The following UNC13C variants were observed in gnomAD, a reference collection of about 807,000 sequenced individuals.
UNC13C encodes protein unc-13 homolog C.
A neutral mutation model predicts 245.4 loss-of-function variants in UNC13C; 174 were observed. The observed-to-expected ratio is 0.71, with a 90% CI of 0.63 to 0.80. UNC13C has a LOEUF of 0.80. Among genes scored for constraint, UNC13C ranks in the 30% least tolerant of loss-of-function variants. The probability of loss-of-function intolerance (pLI) is 0.00; values close to 1 mark genes in which losing one functional copy is unlikely to be tolerated. For synonymous variants in UNC13C, 992 were observed against 895.1 expected (o/e 1.11, Z -1.93); for missense variants, 2,829 against 2,602.9 (o/e 1.09, Z -1.89).
chr15:54,067,097 A>G (rs1898111927), intron 2 of UNC13C, among the ~76,000 whole-genome samples: 1 of 152,088 alleles, frequency 6.6e-6, no homozygotes, highest in Admixed American at 6.5e-5. Context: ...TTATTAAGGC[A>G]ATAATTCTTC....
intron 13 of UNC13C, among the ~76,000 whole-genome samples, chr15:54,317,081 A>G (rs151139959): frequency 1.3e-5 from 2 of 152,096 alleles, no homozygotes; most frequent in East Asian, 1.9e-4. Flanking sequence ...ATGGTTAAAT[A>G]CTATAAAACT....
intron 2 of UNC13C, among the ~76,000 whole-genome samples, chr15:54,027,745 C>T (rs1052466768): frequency 6.6e-6 from 1 of 151,522 alleles, no homozygotes; most frequent in Non-Finnish European, 1.5e-5. Context: ...TCCTCCTTAG[C>T]AGTTTATTTG....
chr15:54,166,332 T>A (rs2033161101), intron 4 of UNC13C, among the ~76,000 whole-genome samples: 1 of 152,074 alleles, frequency 6.6e-6, no homozygotes, highest in Non-Finnish European at 1.5e-5. Flanking sequence ...TGAAAAAATA[T>A]TACTTATTCA....
At chr15:53,977,277 GA>G (rs1181742827), upstream of UNC13C, among the ~76,000 whole-genome samples, 1 of 152,150 alleles carries the variant, frequency 6.6e-6, no homozygotes, top group African/African-American at 2.4e-5. Flanking sequence ...AAACATCATG[GA>G]GAGGTTATTT....
chr15:54,482,410 G>C (rs746929159), intron 19 of UNC13C, among the ~76,000 whole-genome samples: 3 of 152,132 alleles, frequency 2.0e-5, no homozygotes, highest in Non-Finnish European at 4.4e-5. Flanking sequence ...TCCTATTCCA[G>C]TCTCAGGGCC....
At position 54,514,942 on chromosome 15, in the gene UNC13C, C is replaced by G. The variant is rs527918488; in HGVS notation, c.5457+3112C>G. Among the ~76,000 whole-genome samples the G allele has an allele frequency of 6.6e-5, 10 of 152,072 alleles. No individual in the cohort carries two copies. In the East Asian group the frequency reaches 1.9e-3, roughly 29 times the overall value. The stretch of plus-strand genomic sequence containing the variant: ...GTCAGCACATTTACTTTCTAATGCC[C>G]TATTTAGGGAAAAAAAAAGTCAAAA... On this transcript the variant is annotated intron_variant, in intron 24 of 32. Coordinates refer to ENST00000260323, the MANE Select transcript of UNC13C (RefSeq NM_001080534.3).
intron 2 of UNC13C, among the ~76,000 whole-genome samples, chr15:54,105,290 G>C (rs572703879): frequency 6.6e-6 from 1 of 152,022 alleles, no homozygotes; most frequent in Non-Finnish European, 1.5e-5. Context: ...GACATGGGGG[G>C]GTCTCAGCAG....
intron 17 of UNC13C, among the ~76,000 whole-genome samples, chr15:54,344,999 A>G (rs2140827862): frequency 6.6e-6 from 1 of 152,266 alleles, no homozygotes; most frequent in South Asian, 2.1e-4. Context: ...TTCTGCATAG[A>G]ATGTTTTAAG....
At chr15:54,032,282 A>AT (rs1233277251) in intron 2 of UNC13C, among the ~76,000 whole-genome samples, 1 of 152,160 alleles carries the variant, frequency 6.6e-6, no homozygotes, top group Non-Finnish European at 1.5e-5. Context: ...GAAGGAAGTG[A>AT]TTTTCATGTC....
chr15:53,945,557 T>A, the UNC13C span, among the ~76,000 whole-genome samples: 2 of 152,154 alleles, frequency 1.3e-5, no homozygotes, highest in African/African-American at 2.4e-5. Flanking sequence ...TTGTTGTAGG[T>A]GTGCAGCCTT....
chr15:54,325,288 A>T (rs1745889781), intron 14 of UNC13C, among the ~76,000 whole-genome samples: 1 of 152,076 alleles, frequency 6.6e-6, no homozygotes, highest in Admixed American at 6.6e-5. Context: ...ACTTACACAC[A>T]CACATACAGG....
intron 13 of UNC13C, among the ~76,000 whole-genome samples, chr15:54,301,647 C>T (rs1476480383): frequency 1.3e-5 from 2 of 152,136 alleles, no homozygotes; most frequent in Non-Finnish European, 2.9e-5. Flanking sequence ...CATAGTATTC[C>T]ATGGTGCATA....
At chr15:54,462,647 C>T (rs1277188787) in intron 19 of UNC13C, among the ~76,000 whole-genome samples, 1 of 152,246 alleles carries the variant, frequency 6.6e-6, no homozygotes, top group African/African-American at 2.4e-5. Context: ...GCCGGCCTGC[C>T]CGCAATGCGC....
chr15:54,153,674 A>G (rs2032622293), intron 4 of UNC13C, among the ~76,000 whole-genome samples: 1 of 152,100 alleles, frequency 6.6e-6, no homozygotes, highest in African/African-American at 2.4e-5. Flanking sequence ...ACATTACATT[A>G]TGTATTGGTC....
At chr15:54,173,519 T>C (rs977136475) in intron 4 of UNC13C, among the ~76,000 whole-genome samples, 1 of 152,116 alleles carries the variant, frequency 6.6e-6, no homozygotes, top group African/African-American at 2.4e-5. Flanking sequence ...TTTTCAGTTT[T>C]TTTGTTTCTC....
At chr15:54,387,842 A>G (rs1437796513) in intron 17 of UNC13C, among the ~76,000 whole-genome samples, 1 of 152,040 alleles carries the variant, frequency 6.6e-6, no homozygotes, top group African/African-American at 2.4e-5. Context: ...TTGTTTCTTT[A>G]TATCTACCCT....
chr15:53,931,036 G>T, the UNC13C span, among the ~76,000 whole-genome samples: 2 of 152,244 alleles, frequency 1.3e-5, no homozygotes, highest in Admixed American at 1.3e-4. Context: ...GATTTGCCAG[G>T]GAAAGAACCA....
At chr15:54,208,344 C>G (rs1327227155) in intron 4 of UNC13C, among the ~76,000 whole-genome samples, 1 of 152,054 alleles carries the variant, frequency 6.6e-6, no homozygotes, top group African/African-American at 2.4e-5. Context: ...GGTCCAATAG[C>G]CAAACCATAG....
intron 4 of UNC13C, among the ~76,000 whole-genome samples, chr15:54,180,140 T>C (rs2033749091): frequency 1.3e-5 from 2 of 152,030 alleles, no homozygotes; most frequent in African/African-American, 4.8e-5. Context: ...CTGATAGTTT[T>C]TAAACCTTTG....
Sources: allele counts gnomAD v4.1 joint callset (sites outside exome capture counted in the v4.1 genomes callset), GRCh38; gene constraint gnomAD v4.1.1; transcripts MANE v1.5; gene names NCBI Gene and HGNC (gene_info 2026-07-23, HGNC 2026-07-21).